Variants in NMRK2 observed in about 807,000 individuals in gnomAD.
NMRK2 encodes the protein NRK 2.
Under a neutral mutation model 24.7 loss-of-function variants are expected in NMRK2, and 34 were observed. The ratio of observed to expected loss-of-function variants is 1.37; its 90% CI spans 1.05 to 1.83. The LOEUF is 1.83. Ranked by LOEUF, NMRK2 falls within the 40% of genes most tolerant of loss-of-function variation. NMRK2 has a pLI of 0.00. For missense variants in NMRK2, 341 were observed against 315.0 expected (o/e 1.08, Z -0.62); for synonymous variants, 145 against 125.6 (o/e 1.15, Z -1.03).
intron 2 of NMRK2, among the ~76,000 whole-genome samples, chr19:3,934,733 C>T (rs549553910): frequency 1.2e-3 from 187 of 151,998 alleles, no homozygotes; most frequent in African/African-American, 4.4e-3. Flanking sequence ...AGGCGTGAAC[C>T]ACATGCCTGT....
At chr19:3,938,538 G>C (rs1290369074) in intron 4 of NMRK2, 65 bp from the exon 5 acceptor site, 1 of 1,356,872 alleles carries the variant, frequency 7.4e-7, no homozygotes, top group East Asian at 2.8e-5. Context: ...CTCCTGCAAT[G>C]CCCGCTCCCC....
rs888132475 is a variant in NMRK2 at position 3,937,201 on chromosome 19, C to G, written c.118-39C>G. On this transcript the variant is annotated intron_variant, in intron 3 of 7. Transcript: ENST00000168977. ...CACCCAGGCCGGGGGTGAGGCAGGA[C>G]CGGGCACTGAGCCCGAGGTTCAGGC... 4 of 1,608,852 alleles carry G rather than the reference C, an allele frequency of 2.5e-6. No homozygotes were observed. The African/African-American group carries it at 5.4e-5, about 22-fold the overall frequency.
intron 2 of NMRK2, among the ~76,000 whole-genome samples, chr19:3,936,147 G>C (rs7249960): frequency 6.6e-6 from 1 of 151,402 alleles, no homozygotes. Flanking sequence ...GGAGGCAGAG[G>C]TTGCAGTGAG....
chr19:3,941,954 G>A (rs1034884733), intron 7 of NMRK2, 129 bp from the exon 8 acceptor site: 1 of 701,342 alleles, frequency 1.4e-6, no homozygotes, highest in Non-Finnish European at 2.4e-6. Context: ...TCTTGCTGTT[G>A]GTCCAGGAAA....
At chr19:3,935,985 C>G (rs1026166941) in intron 2 of NMRK2, among the ~76,000 whole-genome samples, 2 of 152,022 alleles carry the variant, frequency 1.3e-5, no homozygotes, top group Non-Finnish European at 2.9e-5. Context: ...CCAAGGCAGG[C>G]GGATCACCAG....
At chr19:3,940,979 T>C (rs2039321192) in intron 6 of NMRK2, 92 bp from the exon 7 acceptor site, 6 of 812,282 alleles carry the variant, frequency 7.4e-6, no homozygotes, top group Non-Finnish European at 1.2e-5. Flanking sequence ...GTTCTGTCCC[T>C]GACTATGACA....
intron 2 of NMRK2, among the ~76,000 whole-genome samples, chr19:3,935,040 T>A (rs2039190846): frequency 6.6e-6 from 1 of 152,038 alleles, no homozygotes; most frequent in Non-Finnish European, 1.5e-5. Context: ...GCTTACATTT[T>A]AAAAATTGGG....
chr19:3,938,693 G>C lies in NMRK2; in HGVS notation c.257G>C (p.Ser86Thr). 1.2e-6 allele frequency: 2 copies of C among 1,612,818 alleles called. No individual in the cohort carries two copies. The highest frequency in any genetic ancestry group is 1.7e-6 in the Non-Finnish European group (2 of 1,179,468). Reference protein sequence around the residue: ...PQKFARAHGVSVQPEASDTHI... With the variant: ...PQKFARAHGVTVQPEASDTHI... Reference sequence around the variant, plus strand: ...AAGTTTGCCCGTGCCCACGGGGTCAGCGTCCAGCCAGAGGCCTCGGACACC... The same window carrying C: ...AAGTTTGCCCGTGCCCACGGGGTCACCGTCCAGCCAGAGGCCTCGGACACC... The change falls in exon 5 of 8, where the codon AGC becomes ACC. Residue 86 changes from serine to threonine, a missense_variant. By Grantham distance (58) the Ser-to-Thr change is moderately conservative (BLOSUM62 1). Coordinates refer to ENST00000168977, the MANE Select transcript of NMRK2 (RefSeq NM_170678.3).
In NMRK2 at chr19:3,942,086, A is replaced by G; in HGVS notation, c.506A>G (p.Tyr169Cys). Residue 169 changes from tyrosine (Y) to cysteine (C), a missense_variant, in exon 8 of 8, where the codon TAC (tyrosine) becomes TGC (cysteine). Coordinates refer to ENST00000168977, the MANE Select transcript of NMRK2 (RefSeq NM_170678.3). ...GACGCAGCCTTTCTGATTTCAGTCT[A>G]CCTGGACGGCATGAAGTCCCGAGAG... ...EMEANGVEVV[Y>C]LDGMKSREEL... 2 of 1,612,672 alleles carry G rather than the reference A, an allele frequency of 1.2e-6. No homozygotes were observed. The highest frequency in any genetic ancestry group is 1.7e-6 in the Non-Finnish European group (2 of 1,179,760).
At position 3,937,884 on chromosome 19, in the gene NMRK2, A is replaced by G. The variant is rs374906654; in HGVS notation, c.166+596A>G. On this transcript the variant is annotated intron_variant, in intron 4 of 7. Coordinates refer to ENST00000168977, the MANE Select transcript of NMRK2 (RefSeq NM_170678.3). ...CCCGTCCACTGTTCCCCCGGGGTCC[A>G]CCCTCCTGCAATGCCCGCTCCCCGT... Among the ~76,000 whole-genome samples the G allele has an allele frequency of 5.6e-3, 198 of 35,158 alleles. 1 individual carries two copies. The highest frequency in any genetic ancestry group is 6.8e-3 in the Non-Finnish European group (129 of 18,852). The allele number at this position is 35,158 out of a possible 152,430, so 23.1% of individuals were successfully genotyped here.
In NMRK2 at chr19:3,938,637, C is replaced by A; in HGVS notation, c.201C>A (p.Asp67Glu). 1 of 1,604,152 alleles carries A rather than the reference C, an allele frequency of 6.2e-7. No individual in the cohort carries two copies. The highest frequency in any genetic ancestry group is 8.5e-7 in the Non-Finnish European group (1 of 1,173,892). Reference sequence around the variant, plus strand: ...CTCTGGACATGGAGGCCATGCTGGACACCGTGCAGGCCTGGCTGAGCAGCC... The same window carrying A: ...CTCTGGACATGGAGGCCATGCTGGAAACCGTGCAGGCCTGGCTGAGCAGCC... Reference protein sequence around the residue: ...LESLDMEAMLDTVQAWLSSPQ... With the variant: ...LESLDMEAMLETVQAWLSSPQ... The change falls in exon 5 of 8, where the codon GAC becomes GAA. Residue 67 changes from aspartate to glutamate, a missense_variant. Asp to Glu is a conservative substitution (Grantham distance 45, BLOSUM62 2). Coordinates refer to ENST00000168977, the MANE Select transcript of NMRK2 (RefSeq NM_170678.3).
At chr19:3,937,318 C>T in intron 4 of NMRK2, 30 bp downstream of exon 4, 1 of 1,607,614 alleles carries the variant, frequency 6.2e-7, no homozygotes, top group Non-Finnish European at 8.5e-7. Context: ...CCAAGCCCCA[C>T]TATCCCCCGG....
Position 3,933,605 on chromosome 19 carries a change from C to T in NMRK2, c.-67C>T, listed in dbSNP as rs1002979810. The T allele has an allele frequency of 4.0e-6, 6 of 1,501,306 alleles. No individual in the cohort carries two copies. Among genetic ancestry groups the T allele is most frequent in the Admixed American group, 4.2e-5 (2 of 47,998 alleles). 93.0% of individuals were successfully genotyped at this position (1,501,306 alleles called of 1,614,324 possible). ...AATGAAGCCGGGACGCACTCCGGAG[C>T]GCACTGCGTGGTCGCACCCTACCCG... On this transcript the variant is annotated 5_prime_UTR_variant, in exon 2 of 8. Coordinates refer to ENST00000168977, the MANE Select transcript of NMRK2 (RefSeq NM_170678.3).
chr19:3,938,561 C>T, intron 4 of NMRK2, 42 bp from the exon 5 acceptor site: 1 of 1,506,408 alleles, frequency 6.6e-7, no homozygotes. Flanking sequence ...CCACTATCCC[C>T]CAGGGTCTGC....
intron 6 of NMRK2, among the ~76,000 whole-genome samples, 187 bp from the exon 7 acceptor site, chr19:3,940,884 G>GC (rs1480232148): frequency 6.6e-6 from 1 of 152,176 alleles, no homozygotes; most frequent in Non-Finnish European, 1.5e-5. Flanking sequence ...CCTGTCCAGG[G>GC]CATCTCCCGG....
intron 1 of NMRK2, 118 bp from the exon 2 acceptor site, chr19:3,933,340 G>A (rs2039147677): frequency 5.3e-6 from 2 of 375,740 alleles, no homozygotes; most frequent in Non-Finnish European, 9.5e-6. Context: ...GAGGAGGGAG[G>A]AGGGGGTAAG....
intron 6 of NMRK2, among the ~76,000 whole-genome samples, chr19:3,940,335 CAAAAAAA>C (rs978999079): frequency 2.9e-4 from 9 of 31,010 alleles, no homozygotes; most frequent in South Asian, 2.9e-3. Context: ...GACTCTGTCT[CAAAAAAA>C]AAAAAAAAAA....
Position 3,936,654 on chromosome 19 carries a change from G to A in NMRK2, c.106G>A (p.Asp36Asn). Reference protein sequence around the residue: ...LPNCCVIHQDDFFKPQDQIAV... With the variant: ...LPNCCVIHQDNFFKPQDQIAV... ...CAACTGCTGCGTGATCCATCAGGAT[G>A]ACTTCTTCAAGGTGCCCGCCCTTGC... The change falls in exon 3 of 8, where the codon GAC becomes AAC. Residue 36 changes from aspartate (D) to asparagine (N), a missense_variant. By Grantham distance (23) the Asp-to-Asn change is conservative (BLOSUM62 1). Coordinates refer to ENST00000168977, the MANE Select transcript of NMRK2 (RefSeq NM_170678.3). 3 of 1,567,472 alleles carry A rather than the reference G, an allele frequency of 1.9e-6. No homozygotes were observed. Among genetic ancestry groups the A allele is most frequent in the Non-Finnish European group, 2.6e-6 (3 of 1,156,376 alleles).
At chr19:3,940,853 G>A (rs1213478370) in intron 6 of NMRK2, among the ~76,000 whole-genome samples, 1 of 152,112 alleles carries the variant, frequency 6.6e-6, no homozygotes, top group Admixed American at 6.6e-5. Flanking sequence ...CTGAGGCCTG[G>A]ATAGCACGGC....
Sources: gnomAD v4.1 joint callset for allele counts (sites outside exome capture counted in the v4.1 genomes callset) on GRCh38, gnomAD v4.1.1 for gene constraint, MANE v1.5 for transcripts, NCBI Gene and HGNC (gene_info 2026-07-23, HGNC 2026-07-21) for gene names.